The following SULF2 variants were observed in gnomAD, a reference collection of about 807,000 sequenced individuals.
SULF2 encodes the protein sulfatase 2.
In SULF2, 52 loss-of-function variants were observed where a neutral mutation model predicts 107.7. The observed-to-expected ratio is 0.48, with a 90% CI of 0.39 to 0.61. The LOEUF is 0.61. SULF2 is among the 20% of genes least tolerant of loss of function. The probability of loss-of-function intolerance (pLI) is 0.00; values close to 1 mark genes in which losing one functional copy is unlikely to be tolerated. For missense variants in SULF2, 993 were observed against 1,177.3 expected (o/e 0.84, Z 2.29); for synonymous variants, 460 against 464.3 (o/e 0.99, Z 0.12).
At chr20:47,747,468 C>T (rs957717748) in intron 2 of SULF2, among the ~76,000 whole-genome samples, 2 of 152,096 alleles carry the variant, frequency 1.3e-5, no homozygotes, top group South Asian at 2.1e-4. Context: ...GGTGGCAGAG[C>T]ACACGTGGGA....
At position 47,759,600 on chromosome 20, in the gene SULF2, G is replaced by A. The variant is rs1169077886; in HGVS notation, c.-100-2137C>T. Among the ~76,000 whole-genome samples the A allele has an allele frequency of 2.0e-5, 3 of 152,198 alleles. No homozygotes were observed. The East Asian group carries it at 5.8e-4, about 29-fold the overall frequency. Reference sequence around the variant, plus strand: ...CCAGCTACTCGGGAGGCTGAGGCAGGAGAATCGCTTGAACCTGGGAAATGG... The same window carrying A: ...CCAGCTACTCGGGAGGCTGAGGCAGAAGAATCGCTTGAACCTGGGAAATGG... On this transcript the variant is annotated intron_variant, in intron 1 of 20. Coordinates refer to ENST00000688720, the MANE Select transcript of SULF2 (RefSeq NM_001387048.1).
intron 3 of SULF2, among the ~76,000 whole-genome samples, chr20:47,728,156 G>A (rs993991427): frequency 6.6e-6 from 1 of 152,190 alleles, no homozygotes; most frequent in Non-Finnish European, 1.5e-5. Flanking sequence ...AGGCCGGAGA[G>A]GGGGAGGGAA....
At chr20:47,783,610 G>C (rs918957038) in intron 1 of SULF2, among the ~76,000 whole-genome samples, 1 of 152,068 alleles carries the variant, frequency 6.6e-6, no homozygotes, top group Non-Finnish European at 1.5e-5. Flanking sequence ...ATGTTATTAG[G>C]GTTTCAGAAA....
chr20:47,676,516 G>A lies in SULF2; in HGVS notation c.1358C>T (p.Thr453Met), dbSNP rs763677139. ...TACCTGTCCCAGCTGCTCACACGCC[G>A]TCTGGTACTCAGCACGCTGACACAG... ...KDLCQRAEYQTACEQLGQKWQ... is the reference protein window; with the variant it reads ...KDLCQRAEYQMACEQLGQKWQ... Residue 453 changes from threonine (T) to methionine (M), a missense_variant, in exon 10 of 21, where the codon ACG (threonine) becomes ATG (methionine). Physicochemically the swap from Thr to Met is moderately conservative, Grantham distance 81. Coordinates refer to ENST00000688720, the MANE Select transcript of SULF2 (RefSeq NM_001387048.1). 1.2e-4 allele frequency: 200 copies of A among 1,606,086 alleles called. No individual in the cohort carries two copies. Among genetic ancestry groups the A allele is most frequent in the Admixed American group, 1.7e-4 (10 of 59,446 alleles).
At position 47,678,231 on chromosome 20, in the gene SULF2, C is replaced by T. The variant is rs768576174; in HGVS notation, c.1193+445G>A. ...ACATCCAGACTTGCTGGGATACCTC[C>T]GACACGTCACTCAATCGCTTTGGGA... On this transcript the variant is annotated intron_variant, in intron 8 of 20. Transcript: ENST00000688720. This position sits in a 1 kb window ranked among gnomAD's most constrained non-coding sequence, Gnocchi z 4.5. The T allele has an allele frequency of 1.8e-4, 28 of 159,030 alleles. No homozygotes were observed. Among genetic ancestry groups the T allele is most frequent in the African/African-American group, 3.8e-4 (16 of 41,762 alleles). 9.9% of individuals were successfully genotyped at this position (159,030 alleles called of 1,614,324 possible).
At chr20:47,759,917 A>G (rs540797593) in intron 1 of SULF2, among the ~76,000 whole-genome samples, 10 of 152,260 alleles carry the variant, frequency 6.6e-5, no homozygotes, top group Non-Finnish European at 1.3e-4. Context: ...CTAGGGGGTC[A>G]GCTCCCTGAG....
At chr20:47,662,790 C>T (rs1202474612) in intron 17 of SULF2, among the ~76,000 whole-genome samples, 18 of 131,964 alleles carry the variant, frequency 1.4e-4, no homozygotes, top group African/African-American at 4.0e-4. Context: ...TCACAAGTTC[C>T]GGCAAAACCT....
At chr20:47,703,134 G>A (rs1461971118) in intron 3 of SULF2, among the ~76,000 whole-genome samples, 2 of 152,120 alleles carry the variant, frequency 1.3e-5, no homozygotes, top group East Asian at 3.9e-4. Context: ...CATGTTGGCC[G>A]GGCTGGTCTT....
intron 3 of SULF2, among the ~76,000 whole-genome samples, chr20:47,722,352 C>G (rs1038470867): frequency 6.6e-6 from 1 of 152,110 alleles, no homozygotes; most frequent in Middle Eastern, 3.2e-3. Flanking sequence ...CCTTAAAGGC[C>G]TGGGCTTAAG....
Position 47,678,950 on chromosome 20 carries a change from C to G in SULF2, c.1065-146G>C. 1 of 685,658 alleles carries G rather than the reference C, an allele frequency of 1.5e-6. No individual in the cohort carries two copies. Among genetic ancestry groups the G allele is most frequent in the Middle Eastern group, 4.1e-4 (1 of 2,454 alleles). The allele number at this position is 685,658 out of a possible 1,614,324, so 42.5% of individuals were successfully genotyped here. A position where few individuals can be genotyped will look rare whatever the true frequency, so the allele number is the denominator to read the frequency against. Reference sequence around the variant, plus strand: ...AAGCTGCAGTCTGGCACCTCAACCTCAGCAGCTCCCCTCTGCGGCCCAGAT... The same window carrying G: ...AAGCTGCAGTCTGGCACCTCAACCTGAGCAGCTCCCCTCTGCGGCCCAGAT... On this transcript the variant is annotated intron_variant, in intron 7 of 20. Coordinates refer to ENST00000688720, the MANE Select transcript of SULF2 (RefSeq NM_001387048.1). The surrounding 1 kb of genome is among the most constrained non-coding windows in gnomAD (Gnocchi z 4.5).
rs933277638 is a variant in SULF2, at chr20:47,737,059, C to A, written c.176-117G>T. The A allele has an allele frequency of 7.1e-6, 10 of 1,410,994 alleles. No individual in the cohort carries two copies. In the African/African-American group the frequency reaches 1.4e-4, roughly 20 times the overall value. The allele number at this position is 1,410,994 out of a possible 1,614,324, so 87.4% of individuals were successfully genotyped here. On this transcript the variant is annotated intron_variant, in intron 2 of 20. Coordinates refer to ENST00000688720, the MANE Select transcript of SULF2 (RefSeq NM_001387048.1). ...GGAGTGGGCACATTCTGCAGACCTACGGGGCAGACGGGGCAGGGGCCACTG... is the reference window on the plus strand; with the variant it reads ...GGAGTGGGCACATTCTGCAGACCTAAGGGGCAGACGGGGCAGGGGCCACTG...
rs372290614 is a variant in SULF2, at chr20:47,700,381, A to G, written c.567+2138T>C. Among the ~76,000 whole-genome samples, 11 of 152,352 alleles carry G rather than the reference A, an allele frequency of 7.2e-5. No individual in the cohort carries two copies. The South Asian group carries it at 1.2e-3, about 17-fold the overall frequency. On this transcript the variant is annotated intron_variant, in intron 4 of 20. Coordinates refer to ENST00000688720, the MANE Select transcript of SULF2 (RefSeq NM_001387048.1). ...CCTTGTAAAGCCTAAAATATTTAGT[A>G]TCTGGCCCTTTACAGAAAATATTTG...
At chr20:47,705,868 G>A (rs1347773570) in intron 3 of SULF2, among the ~76,000 whole-genome samples, 1 of 149,698 alleles carries the variant, frequency 6.7e-6, no homozygotes, top group Non-Finnish European at 1.5e-5. Flanking sequence ...GCGTGATGTC[G>A]CCTCACAGCA....
intron 1 of SULF2, among the ~76,000 whole-genome samples, chr20:47,778,257 G>T (rs1051987219): frequency 6.6e-5 from 10 of 152,232 alleles, no homozygotes; most frequent in African/African-American, 2.4e-4. Flanking sequence ...AACACATCTG[G>T]CTTCCACATG....
At chr20:47,771,868 A>G (rs1034265145) in intron 1 of SULF2, among the ~76,000 whole-genome samples, 12 of 152,168 alleles carry the variant, frequency 7.9e-5, no homozygotes, top group Non-Finnish European at 1.3e-4. Flanking sequence ...GGGATAACAC[A>G]GCTTTTCCAC....
intron 11 of SULF2, among the ~76,000 whole-genome samples, chr20:47,667,824 G>A (rs184480063): frequency 5.1e-4 from 77 of 152,310 alleles, no homozygotes; most frequent in African/African-American, 1.7e-3. Flanking sequence ...AGGTGGTGGC[G>A]GAAGGCAGTG....
chr20:47,663,512 G>A lies in SULF2; in HGVS notation c.2168C>T (p.Pro723Leu). The A allele has an allele frequency of 6.2e-7, 1 of 1,612,528 alleles. No individual in the cohort carries two copies. Among genetic ancestry groups the A allele is most frequent in the Non-Finnish European group, 8.5e-7 (1 of 1,180,020 alleles). Reference protein sequence around the residue: ...RLQNNDTCSMPGLTCFTHDNQ... With the variant: ...RLQNNDTCSMLGLTCFTHDNQ... ...GTCGTGGGTGAAGCACGTGAGGCCT[G>A]GCATGCTGCACGTGTCGTTGTTCTG... The change falls in exon 16 of 21, where the codon CCA (proline) becomes CTA (leucine). Residue 723 changes from proline (P) to leucine (L), a missense_variant. By Grantham distance (98) the Pro-to-Leu change is moderately conservative. This residue lies in a region of SULF2 where 497 missense variants were observed against 544.1 expected (regional missense o/e 0.91). Coordinates refer to ENST00000688720, the MANE Select transcript of SULF2 (RefSeq NM_001387048.1).
At chr20:47,720,245 A>G (rs4810667) in intron 3 of SULF2, among the ~76,000 whole-genome samples, 45,583 of 151,676 alleles carry the variant, frequency 0.3, 7,007 homozygotes, top group African/African-American at 0.36. Flanking sequence ...GAGCCACTGC[A>G]CCTGGCCTTT....
intron 2 of SULF2, among the ~76,000 whole-genome samples, chr20:47,738,860 G>A (rs756591591): frequency 2.6e-5 from 4 of 152,196 alleles, no homozygotes; most frequent in Non-Finnish European, 5.9e-5. Context: ...TGTCTTTGCA[G>A]ATGTAATTAA....
Sources: gnomAD v4.1 joint callset for allele counts (sites outside exome capture counted in the v4.1 genomes callset) on GRCh38, gnomAD v4.1.1 for gene constraint, gnomAD v4.1.1 regional missense constraint, Gnocchi (gnomAD v3.1) non-coding constraint, MANE v1.5 for transcripts, NCBI Gene and HGNC (gene_info 2026-07-23, HGNC 2026-07-21) for gene names.